The following NDN variants were observed in gnomAD, a reference collection of about 807,000 sequenced individuals.
NDN encodes necdin.
For missense variants in NDN, 465 were observed against 440.4 expected, an observed-to-expected ratio of 1.06 and a Z score of -0.50; for synonymous variants, 245 against 189.4, an observed-to-expected ratio of 1.29 and a Z score of -2.41.
rs373844557 is a variant in NDN, at chr15:23,686,775, G to A, written c.443C>T (p.Ala148Val). The part of the protein sequence containing the change: ...SILRRTSLIL[A>V]RVFGLHLRLT... ...CCTCAGGTGCAGCCCGAACACCCGG[G>A]CGAGGATGAGGCTGGTGCGCCGGAG... Residue 148 changes from alanine to valine, a missense_variant, in exon 1 of 1, where the codon GCC (alanine) becomes GTC (valine). Transcript: ENST00000649030. 3.7e-6 allele frequency: 6 copies of A among 1,613,928 alleles called. No homozygotes were observed. The highest frequency in any genetic ancestry group is 5.1e-6 in the Non-Finnish European group (6 of 1,180,024).
rs1406779194 is a variant in NDN at position 23,685,497 on chromosome 15, CAT to C, written c.*753_*754del. On this transcript the variant is annotated 3_prime_UTR_variant, in exon 1 of 1. Transcript: ENST00000649030. ...TATTTGTGAATGTTTTTGAAATAAA[CAT>C]GAGTTACATTTAAAGACAATAGAAC... 1 of 152,080 alleles carries C rather than the reference CAT, an allele frequency of 6.6e-6. No homozygotes were observed. Among genetic ancestry groups the C allele is most frequent in the Non-Finnish European group, 1.5e-5 (1 of 68,012 alleles). 9.4% of individuals were successfully genotyped at this position (152,080 alleles called of 1,614,324 possible). A position where few individuals can be genotyped will look rare whatever the true frequency, so the allele number is the denominator to read the frequency against.
Position 23,686,923 on chromosome 15 carries a change from C to A in NDN, c.295G>T (p.Val99Leu). 1.2e-6 allele frequency: 2 copies of A among 1,612,826 alleles called. No individual in the cohort carries two copies. The highest frequency in any genetic ancestry group is 1.7e-6 in the Non-Finnish European group (2 of 1,179,618). ...CACATGAGCTCGTGCGCCTTCTGCA[C>A]CAGCTGCGCCGGGGCTGGCGGTGCC... ...GPAPPAPAQLVQKAHELMWYV... is the reference protein window; with the variant it reads ...GPAPPAPAQLLQKAHELMWYV... Residue 99 changes from valine to leucine, a missense_variant, in exon 1 of 1, where the codon GTG becomes TTG. Coordinates refer to ENST00000649030, the MANE Select transcript of NDN (RefSeq NM_002487.3).
rs1753278898 is a variant in NDN, at chr15:23,686,192, C to T, written c.*60G>A. On this transcript the variant is annotated 3_prime_UTR_variant, in exon 1 of 1. Coordinates refer to ENST00000649030, the MANE Select transcript of NDN (RefSeq NM_002487.3). ...AAATCCTGAATACTATAATGACCCA[C>T]CCCCACCCTTCCACAGCCCTGGTGA... The T allele has an allele frequency of 5.4e-6, 8 of 1,493,648 alleles. No individual in the cohort carries two copies. In the Admixed American group the frequency reaches 1.9e-4, roughly 36 times the overall value. 92.5% of individuals were successfully genotyped at this position (1,493,648 alleles called of 1,614,324 possible).
rs1169927556 is a variant in NDN, at chr15:23,686,453, C to T, written c.765G>A (p.Pro255=). 6 of 1,610,058 alleles carry T rather than the reference C, an allele frequency of 3.7e-6. No individual in the cohort carries two copies. Among genetic ancestry groups the T allele is most frequent in the South Asian group, 3.3e-5 (3 of 90,692 alleles). The part of the protein sequence containing the change: ...LKYQRVPYVE[P]PEYEFFWGSR... ...AGCCCCAAAAGAACTCGTATTCGGG[C>T]GGCTCCACGTATGGGACGCGCTGGT... Residue 255 remains proline (P), a synonymous_variant, in exon 1 of 1, where the codon CCG becomes CCA. Coordinates refer to ENST00000649030, the MANE Select transcript of NDN (RefSeq NM_002487.3).
Position 23,686,567 on chromosome 15 carries a change from C to G in NDN, c.651G>C (p.Leu217=). The change falls in exon 1 of 1, where the codon CTG becomes CTC. Residue 217 remains leucine, a synonymous_variant. Coordinates refer to ENST00000649030, the MANE Select transcript of NDN (RefSeq NM_002487.3). ...AGTGCTTCTTCCAGGGCCGCAGCCC[C>G]AGGATGCGCAGCACGTTCCAGACGG... ...ESAVWNVLRI[L]GLRPWKKHST... is the part of the protein sequence containing the mutation. The G allele has an allele frequency of 6.2e-7, 1 of 1,613,330 alleles. No homozygotes were observed. The highest frequency in any genetic ancestry group is 8.5e-7 in the Non-Finnish European group (1 of 1,179,980).
rs1323508584 is a variant in NDN, at chr15:23,687,163, TG to T, written c.54del (p.Asn19ThrfsTer28). On this transcript the variant is annotated frameshift_variant, in exon 1 of 1. Coordinates refer to ENST00000649030, the MANE Select transcript of NDN (RefSeq NM_002487.3). LOFTEE classifies it low-confidence loss of function (END_TRUNC). ...CCAGGGCTGCTGTGCACCTCGGAGTTGGGGGCCTCGGCTGCAAAGTTAGGGT... is the reference window on the plus strand; with the variant it reads ...CCAGGGCTGCTGTGCACCTCGGAGTTGGGGCCTCGGCTGCAAAGTTAGGGT... ...LSDPNFAAEA[P>X]NSEVHSSPGV... 1.3e-6 allele frequency: 2 copies of T among 1,539,986 alleles called. No homozygotes were observed. Among genetic ancestry groups the T allele is most frequent in the Non-Finnish European group, 1.7e-6 (2 of 1,148,072 alleles).
In NDN at chr15:23,687,241, G is replaced by A. The variant is rs1383488431; in HGVS notation, c.-24C>T. The A allele has an allele frequency of 2.8e-6, 4 of 1,404,808 alleles. No individual in the cohort carries two copies. The highest frequency in any genetic ancestry group is 3.0e-5 in the African/African-American group (2 of 66,862). 87.0% of individuals were successfully genotyped at this position (1,404,808 alleles called of 1,614,324 possible). On this transcript the variant is annotated 5_prime_UTR_variant, in exon 1 of 1. Transcript: ENST00000649030. ...ATGTCTGCGCCGTCTGGCAAGGGCA[G>A]GGCCTCTGCGTCCAGGAGCTCTTCG...
Position 23,686,448 on chromosome 15 carries a change from T to G in NDN, c.770A>C (p.Glu257Ala). 6.2e-7 allele frequency: 1 copy of G among 1,610,318 alleles called. No homozygotes were observed. The highest frequency in any genetic ancestry group is 1.1e-5 in the South Asian group (1 of 90,772). ...YQRVPYVEPP[E>A]YEFFWGSRAS... is the part of the protein sequence containing the mutation. The stretch of plus-strand genomic sequence containing the variant: ...CCGGGAGCCCCAAAAGAACTCGTAT[T>G]CGGGCGGCTCCACGTATGGGACGCG... Residue 257 changes from glutamate (E) to alanine (A), a missense_variant, in exon 1 of 1, where the codon GAA becomes GCA. Physicochemically the swap from Glu to Ala is moderately radical, Grantham distance 107 (BLOSUM62 -1). Coordinates refer to ENST00000649030, the MANE Select transcript of NDN (RefSeq NM_002487.3).
rs1326306417 is a variant in NDN, at chr15:23,686,416, G to A, written c.802C>T (p.Arg268Cys). ...ATGATTTGCATCTTGGTGATTTCGC[G>A]GCTGGCCCGGGAGCCCCAAAAGAAC... ...YEFFWGSRASREITKMQIMEF... is the reference protein window; with the variant it reads ...YEFFWGSRASCEITKMQIMEF... The change falls in exon 1 of 1, where the codon CGC becomes TGC. Residue 268 changes from arginine to cysteine, a missense_variant. Transcript: ENST00000649030. 3.1e-6 allele frequency: 5 copies of A among 1,607,760 alleles called. No individual in the cohort carries two copies. The highest frequency in any genetic ancestry group is 2.2e-5 in the East Asian group (1 of 44,768).
rs1440985108 is a variant in NDN at position 23,686,949 on chromosome 15, G to C, written c.269C>G (p.Pro90Arg). The change falls in exon 1 of 1, where the codon CCG (proline) becomes CGG (arginine). Residue 90 changes from proline to arginine, a missense_variant. Physicochemically the swap from Pro to Arg is moderately radical, Grantham distance 103 (BLOSUM62 -2). Transcript: ENST00000649030. ...HQAPSAAQPG[P>R]APPAPAQLVQ... is the part of the protein sequence containing the mutation. ...CAGCTGCGCCGGGGCTGGCGGTGCC[G>C]GGCCCGGCTGGGCCGCGCTCGGGGC... is the stretch of plus-strand genomic sequence containing the variant. 6.2e-7 allele frequency: 1 copy of C among 1,601,572 alleles called. No homozygotes were observed. The highest frequency in any genetic ancestry group is 8.5e-7 in the Non-Finnish European group (1 of 1,174,896).
rs938778393 is a variant in NDN at position 23,686,020 on chromosome 15, G to A, written c.*232C>T. The A allele has an allele frequency of 2.6e-6, 1 of 378,194 alleles. No individual in the cohort carries two copies. The highest frequency in any genetic ancestry group is 4.3e-5 in the Admixed American group (1 of 23,302). 23.4% of individuals were successfully genotyped at this position (378,194 alleles called of 1,614,324 possible). ...AAAATCCAAGAAAGGTAGCACAAAA[G>A]CGAAAGCACCAACCAAGCTTACATA... On this transcript the variant is annotated 3_prime_UTR_variant, in exon 1 of 1. Transcript: ENST00000649030.
chr15:23,686,702 C>A lies in NDN; in HGVS notation c.516G>T (p.Glu172Asp), dbSNP rs1253009428. The change falls in exon 1 of 1, where the codon GAG (glutamate) becomes GAT (aspartate). Residue 172 changes from glutamate to aspartate, a missense_variant. Transcript: ENST00000649030. ...TMEFALVKAL[E>D]PEELDRVALS... ...GCGCCACCCTGTCCAGCTCCTCGGG[C>A]TCCAGCGCTTTGACCAGCGCAAACT... The A allele has an allele frequency of 1.9e-6, 3 of 1,613,760 alleles. No individual in the cohort carries two copies. Among genetic ancestry groups the A allele is most frequent in the Non-Finnish European group, 2.5e-6 (3 of 1,180,002 alleles).
Position 23,687,139 on chromosome 15 carries a change from C to T in NDN, c.79G>A (p.Gly27Arg). 6.4e-7 allele frequency: 1 copy of T among 1,574,096 alleles called. No homozygotes were observed. The highest frequency in any genetic ancestry group is 8.6e-7 in the Non-Finnish European group (1 of 1,162,386). ...APNSEVHSSP[G>R]VSEGVPPSAT... ...GACGGAGGAACCCCCTCCGAAACCC[C>T]AGGGCTGCTGTGCACCTCGGAGTTG... Residue 27 changes from glycine to arginine, a missense_variant, in exon 1 of 1, where the codon GGG (glycine) becomes AGG (arginine). Physicochemically the swap from Gly to Arg is moderately radical, Grantham distance 125. Coordinates refer to ENST00000649030, the MANE Select transcript of NDN (RefSeq NM_002487.3).
chr15:23,687,201 T>C lies in NDN; in HGVS notation c.17A>G (p.Lys6Arg). 1.3e-6 allele frequency: 2 copies of C among 1,500,608 alleles called. No individual in the cohort carries two copies. Among genetic ancestry groups the C allele is most frequent in the Middle Eastern group, 1.8e-4 (1 of 5,564 alleles). 93.0% of individuals were successfully genotyped at this position (1,500,608 alleles called of 1,614,324 possible). The change falls in exon 1 of 1, where the codon AAG becomes AGG. Residue 6 changes from lysine to arginine, a missense_variant. Physicochemically the swap from Lys to Arg is conservative, Grantham distance 26 (BLOSUM62 2). Transcript: ENST00000649030. Reference protein sequence around the residue: MSEQSKDLSDPNFAAE... With the variant: MSEQSRDLSDPNFAAE... ...TGCAAAGTTAGGGTCGCTCAGATCC[T>C]TACTTTGTTCTGACATGTCTGCGCC...
At position 23,686,958 on chromosome 15, in the gene NDN, T is replaced by C. The variant is rs1362693973; in HGVS notation, c.260A>G (p.Gln87Arg). The change falls in exon 1 of 1, where the codon CAG becomes CGG. Residue 87 changes from glutamine to arginine, a missense_variant. Coordinates refer to ENST00000649030, the MANE Select transcript of NDN (RefSeq NM_002487.3). ...GRAHQAPSAAQPGPAPPAPAQ... is the reference protein window; with the variant it reads ...GRAHQAPSAARPGPAPPAPAQ... ...CGGGGCTGGCGGTGCCGGGCCCGGC[T>C]GGGCCGCGCTCGGGGCCTGGTGGGC... 1.3e-6 allele frequency: 2 copies of C among 1,594,934 alleles called. No homozygotes were observed. The highest frequency in any genetic ancestry group is 3.5e-5 in the Admixed American group (2 of 57,080).
chr15:23,687,265 C>A lies in NDN; in HGVS notation c.-48G>T, dbSNP rs777388697. 7.4e-7 allele frequency: 1 copy of A among 1,356,384 alleles called. No homozygotes were observed. The highest frequency in any genetic ancestry group is 1.5e-5 in the African/African-American group (1 of 66,362). 84.0% of individuals were successfully genotyped at this position (1,356,384 alleles called of 1,614,324 possible). On this transcript the variant is annotated 5_prime_UTR_variant, in exon 1 of 1. Coordinates refer to ENST00000649030, the MANE Select transcript of NDN (RefSeq NM_002487.3). ...AGGGCCTCTGCGTCCAGGAGCTCTT[C>A]GAGCCTGCGCTCCCTCCGCGGATTC...
At position 23,686,680 on chromosome 15, in the gene NDN, C is replaced by G; in HGVS notation, c.538G>C (p.Ala180Pro). Reference sequence around the variant, plus strand: ...GTCATGGGCATGCGGTTGCTCAGCGCCACCCTGTCCAGCTCCTCGGGCTCC... The same window carrying G: ...GTCATGGGCATGCGGTTGCTCAGCGGCACCCTGTCCAGCTCCTCGGGCTCC... ...ALEPEELDRV[A>P]LSNRMPMTGL... The change falls in exon 1 of 1, where the codon GCG becomes CCG. Residue 180 changes from alanine (A) to proline (P), a missense_variant. Ala to Pro is a conservative substitution (Grantham distance 27). Transcript: ENST00000649030. 6.2e-7 allele frequency: 1 copy of G among 1,613,734 alleles called. No homozygotes were observed. The highest frequency in any genetic ancestry group is 8.5e-7 in the Non-Finnish European group (1 of 1,179,964).
chr15:23,686,459 C>T lies in NDN; in HGVS notation c.759G>A (p.Val253=). Residue 253 remains valine, a synonymous_variant, in exon 1 of 1, where the codon GTG becomes GTA. Transcript: ENST00000649030. The part of the protein sequence containing the change: ...NYLKYQRVPY[V]EPPEYEFFWG... ...AAAAGAACTCGTATTCGGGCGGCTC[C>T]ACGTATGGGACGCGCTGGTACTTCA... The T allele has an allele frequency of 6.2e-7, 1 of 1,611,552 alleles. No individual in the cohort carries two copies. The highest frequency in any genetic ancestry group is 1.1e-5 in the South Asian group (1 of 90,854).
chr15:23,686,480 C>T lies in NDN; in HGVS notation c.738G>A (p.Lys246=). 6.2e-7 allele frequency: 1 copy of T among 1,613,360 alleles called. No homozygotes were observed. Among genetic ancestry groups the T allele is most frequent in the Non-Finnish European group, 8.5e-7 (1 of 1,179,708 alleles). The change falls in exon 1 of 1, where the codon AAG becomes AAA. Residue 246 remains lysine (K), a synonymous_variant. Coordinates refer to ENST00000649030, the MANE Select transcript of NDN (RefSeq NM_002487.3). ...TEEFVQMNYL[K]YQRVPYVEPP... ...GCTCCACGTATGGGACGCGCTGGTA[C>T]TTCAGGTAATTCATTTGGACGAACT... is the stretch of plus-strand genomic sequence containing the variant.
Sources: gnomAD v4.1 joint callset for allele counts on GRCh38, gnomAD v4.1.1 for gene constraint, MANE v1.5 for transcripts, NCBI Gene and HGNC (gene_info 2026-07-23, HGNC 2026-07-21) for gene names.